Variants in CD5 observed in about 807,000 individuals in gnomAD.
The protein encoded by CD5 is T-cell surface glycoprotein CD5.
In CD5, 36 loss-of-function variants were observed where a neutral mutation model predicts 60.3. That is an observed-to-expected ratio of 0.60 (90% confidence interval 0.46 to 0.79). The LOEUF is 0.79. CD5 is among the 30% of genes least tolerant of loss of function. The pLI, the probability that CD5 is intolerant of heterozygous loss-of-function variation, is 0.00. For synonymous variants in CD5, 230 were observed against 257.6 expected (o/e 0.89, Z 1.03); for missense variants, 540 against 630.6 (o/e 0.86, Z 1.54).
intron 1 of CD5, among the ~76,000 whole-genome samples, chr11:61,112,091 A>G (rs574399554): frequency 6.6e-6 from 1 of 152,304 alleles, no homozygotes; most frequent in Admixed American, 6.5e-5. Flanking sequence ...GCTGTGTAGC[A>G]CTGAAGGGCA....
chr11:61,107,403 C>T (rs1860791645), intron 1 of CD5, among the ~76,000 whole-genome samples: 2 of 152,136 alleles, frequency 1.3e-5, no homozygotes, highest in Non-Finnish European at 2.9e-5. Flanking sequence ...TCTCCAGGTC[C>T]TCAAGTGCAT....
chr11:61,125,996 G>A (rs537403952), intron 10 of CD5, among the ~76,000 whole-genome samples, 155 bp downstream of exon 10: 4 of 152,316 alleles, frequency 2.6e-5, no homozygotes, highest in East Asian at 1.9e-4. Context: ...AAAGACAAAC[G>A]TCAGCTGTTT....
At chr11:61,115,305 C>T (rs937608202) in intron 2 of CD5, among the ~76,000 whole-genome samples, 1 of 152,130 alleles carries the variant, frequency 6.6e-6, no homozygotes, top group African/African-American at 2.4e-5. Flanking sequence ...CCCTCGACAG[C>T]CGTAAATCAC....
intron 2 of CD5, among the ~76,000 whole-genome samples, chr11:61,117,263 T>C (rs1860979289): frequency 6.6e-6 from 1 of 152,194 alleles, no homozygotes; most frequent in South Asian, 2.1e-4. Context: ...TCTATGACAT[T>C]GTAGCACAGG....
chr11:61,101,757 ACAT>A (rs1322223569), upstream of CD5, among the ~76,000 whole-genome samples: 1 of 151,802 alleles, frequency 6.6e-6, no homozygotes, highest in African/African-American at 2.4e-5. Context: ...GATTACACAC[ACAT>A]CAACATGGAG....
chr11:61,126,353 T>A lies in CD5; in HGVS notation c.*68T>A, dbSNP rs908649463. On this transcript the variant is annotated 3_prime_UTR_variant, in exon 11 of 11. Coordinates refer to ENST00000347785, the MANE Select transcript of CD5 (RefSeq NM_014207.4). ...TTGTCCTGAGAAAACTGTCCGCTCT[T>A]CACTTGAAATCATGTCCCTATTTCT... 1.3e-5 allele frequency: 2 copies of A among 152,366 alleles called. No homozygotes were observed. The highest frequency in any genetic ancestry group is 4.8e-5 in the African/African-American group (2 of 41,454). The allele number at this position is 152,366 out of a possible 1,614,324, so 9.4% of individuals were successfully genotyped here. A position where few individuals can be genotyped will look rare whatever the true frequency, so the allele number is the denominator to read the frequency against.
At chr11:61,104,020 T>TG (rs1860742549) in intron 1 of CD5, among the ~76,000 whole-genome samples, 1 of 143,412 alleles carries the variant, frequency 7.0e-6, no homozygotes, top group Non-Finnish European at 1.5e-5. Context: ...TGAGTCTGTG[T>TG]TCATGTGTGT....
chr11:61,121,959 A>G, intron 6 of CD5, 55 bp downstream of exon 6: 1 of 1,451,286 alleles, frequency 6.9e-7, no homozygotes, highest in Non-Finnish European at 9.2e-7. Flanking sequence ...TACCTCTAGG[A>G]CCCGGTCAGG....
At chr11:61,124,032 T>G in intron 8 of CD5, 95 bp downstream of exon 8, 2 of 999,590 alleles carry the variant, frequency 2.0e-6, no homozygotes, top group Admixed American at 1.9e-5. Flanking sequence ...ACGGAGCCTG[T>G]GGCTGCTTGA....
At chr11:61,123,091 C>T (rs4245224) in intron 7 of CD5, 59 bp downstream of exon 7, 799,517 of 1,520,236 alleles carry the variant, frequency 0.53, 218,043 homozygotes, top group East Asian at 0.99. Context: ...AGGGGCTGCA[C>T]TAGAGTCCTC....
chr11:61,115,550 T>C (rs542161404), intron 2 of CD5, among the ~76,000 whole-genome samples: 1 of 152,248 alleles, frequency 6.6e-6, no homozygotes, highest in Non-Finnish European at 1.5e-5. Context: ...GTTTCCCAAA[T>C]AGGGTTCCAT....
upstream of CD5, among the ~76,000 whole-genome samples, chr11:61,101,707 A>C (rs923525494): frequency 2.6e-5 from 4 of 151,912 alleles, no homozygotes; most frequent in Non-Finnish European, 4.4e-5. Flanking sequence ...ATCAACATGG[A>C]GATCACACAC....
At chr11:61,098,785 C>G (rs115281499), upstream of CD5, among the ~76,000 whole-genome samples, 4,266 of 152,242 alleles carry the variant, frequency 0.028, 159 homozygotes, top group African/African-American at 0.081. Flanking sequence ...CTGAATAAAC[C>G]CCTTCTTTCT....
At position 61,116,297 on chromosome 11, in the gene CD5, C is replaced by T. The variant is rs137964424; in HGVS notation, c.94+1203C>T. ...TCCCGTCTATCCCAGTCGCCCCCGA[C>T]GTCGACCCCAACACCCCAGGTAATG... On this transcript the variant is annotated intron_variant, in intron 2 of 10. Coordinates refer to ENST00000347785, the MANE Select transcript of CD5 (RefSeq NM_014207.4). Among the ~76,000 whole-genome samples the T allele has an allele frequency of 1.3e-3, 194 of 152,162 alleles. 3 individuals carry two copies. Among genetic ancestry groups the T allele is most frequent in the African/African-American group, 4.3e-3 (177 of 41,504 alleles).
intron 1 of CD5, among the ~76,000 whole-genome samples, chr11:61,105,583 G>A (rs1346593793): frequency 3.9e-5 from 6 of 152,206 alleles, no homozygotes; most frequent in Admixed American, 1.3e-4. Flanking sequence ...GAAACAATGC[G>A]AGGTAGGAGC....
the CD5 span, among the ~76,000 whole-genome samples, chr11:61,096,768 C>G: frequency 3.9e-4 from 60 of 152,326 alleles, no homozygotes; most frequent in East Asian, 3.7e-3. Context: ...AAAACCAGCT[C>G]TAGCTAAGCA....
In CD5 at chr11:61,109,518, C is replaced by CT. The variant is rs11355003; in HGVS notation, c.56-5527dup. ...AAAGCAAAACAAAATTAAAAGAAAC[C>CT]TTTTTTTTTTTAATTTGGCTCAAAA... On this transcript the variant is annotated intron_variant, in intron 1 of 10. Coordinates refer to ENST00000347785, the MANE Select transcript of CD5 (RefSeq NM_014207.4). Among the ~76,000 whole-genome samples the CT allele has an allele frequency of 2.8e-3, 416 of 148,630 alleles. 6 individuals carry two copies. The highest frequency in any genetic ancestry group is 0.015 in the Admixed American group (219 of 14,910).
chr11:61,106,837 T>C (rs147206463), intron 1 of CD5, among the ~76,000 whole-genome samples: 5 of 152,256 alleles, frequency 3.3e-5, no homozygotes, highest in African/African-American at 1.2e-4. Context: ...TCTATAAAAA[T>C]AGGGGTTCCT....
At chr11:61,116,638 CACACACACCCCACACACA>C (rs1860960510) in intron 2 of CD5, among the ~76,000 whole-genome samples, 1 of 142,052 alleles carries the variant, frequency 7.0e-6, no homozygotes, top group African/African-American at 2.7e-5. Flanking sequence ...CCACACACAC[CACACACACCCCACACACA>C]CCACACACAC....
Sources: gnomAD v4.1 joint callset for allele counts (sites outside exome capture counted in the v4.1 genomes callset) on GRCh38, gnomAD v4.1.1 for gene constraint, MANE v1.5 for transcripts, NCBI Gene and HGNC (gene_info 2026-07-23, HGNC 2026-07-21) for gene names.